The following MYO16 variants were observed in gnomAD, a reference collection of about 807,000 sequenced individuals.
MYO16 encodes the protein unconventional myosin-XVI.
A neutral mutation model predicts 205.3 loss-of-function variants in MYO16; 94 were observed. The ratio of observed to expected loss-of-function variants is 0.46; its 90% CI spans 0.39 to 0.54. The LOEUF is 0.54. MYO16 is among the 20% of genes least tolerant of loss of function. MYO16 has a pLI of 0.00. For synonymous variants in MYO16, 988 were observed against 954.0 expected (o/e 1.04, Z -0.66); for missense variants, 2,315 against 2,387.5 (o/e 0.97, Z 0.63).
intron 1 of MYO16, among the ~76,000 whole-genome samples, chr13:108,643,129 A>G (rs1880585414): frequency 6.6e-6 from 1 of 152,212 alleles, no homozygotes; most frequent in African/African-American, 2.4e-5. Context: ...CTCACTCCAA[A>G]GAGTTCCCTT....
At chr13:109,006,460 G>A (rs868817671) in intron 21 of MYO16, among the ~76,000 whole-genome samples, 2 of 152,022 alleles carry the variant, frequency 1.3e-5, no homozygotes, top group Non-Finnish European at 2.9e-5. Context: ...GACTGGTCTC[G>A]AACTCCTGAC....
chr13:108,604,680 T>A (rs1429304259), intron 1 of MYO16, among the ~76,000 whole-genome samples: 1 of 152,246 alleles, frequency 6.6e-6, no homozygotes, highest in African/African-American at 2.4e-5. Context: ...AATGTTAGTG[T>A]AATCCTTGAC....
intron 4 of MYO16, among the ~76,000 whole-genome samples, chr13:108,755,769 G>T (rs1007687834): frequency 2.6e-5 from 4 of 152,132 alleles, no homozygotes; most frequent in African/African-American, 9.7e-5. Flanking sequence ...TATGTGAAGT[G>T]GTTTGTGGCT....
At chr13:108,904,951 C>T (rs186853020) in intron 15 of MYO16, among the ~76,000 whole-genome samples, 78 of 152,276 alleles carry the variant, frequency 5.1e-4, no homozygotes, top group South Asian at 2.9e-3. Flanking sequence ...ACCAAACATA[C>T]GCAGATAAAG....
intron 4 of MYO16, among the ~76,000 whole-genome samples, chr13:108,733,154 G>A (rs1337965919): frequency 6.6e-6 from 1 of 152,114 alleles, no homozygotes; most frequent in African/African-American, 2.4e-5. Flanking sequence ...GTGTGTAGAG[G>A]GGGCATCGTC....
intron 11 of MYO16, among the ~76,000 whole-genome samples, chr13:108,862,828 A>G (rs1335690217): frequency 6.6e-6 from 1 of 152,216 alleles, no homozygotes; most frequent in Non-Finnish European, 1.5e-5. Context: ...TTCATTTCAC[A>G]AAATGTTATA....
chr13:109,158,296 C>T (rs912642141), intron 32 of MYO16, among the ~76,000 whole-genome samples: 4 of 152,190 alleles, frequency 2.6e-5, no homozygotes, highest in African/African-American at 9.6e-5. Flanking sequence ...AAGGACATTT[C>T]TCTCTCCCCA....
chr13:109,156,813 C>A (rs190034731), intron 32 of MYO16, among the ~76,000 whole-genome samples: 2 of 152,160 alleles, frequency 1.3e-5, no homozygotes, highest in Non-Finnish European at 2.9e-5. Flanking sequence ...CCCTCCTGCA[C>A]GGCAGTCACC....
intron 13 of MYO16, among the ~76,000 whole-genome samples, chr13:108,887,360 C>A (rs978176339): frequency 1.3e-5 from 2 of 152,120 alleles, no homozygotes; most frequent in Non-Finnish European, 2.9e-5. Flanking sequence ...ATAGATGTTT[C>A]CAGGCAGAAA....
chr13:109,044,821 C>G (rs1463196046), intron 23 of MYO16, among the ~76,000 whole-genome samples: 1 of 152,108 alleles, frequency 6.6e-6, no homozygotes, highest in East Asian at 1.9e-4. Context: ...TCCCAAGTAC[C>G]TGGGATTACA....
chr13:108,573,367 A>T, the MYO16 span, among the ~76,000 whole-genome samples: 1 of 152,210 alleles, frequency 6.6e-6, no homozygotes, highest in Non-Finnish European at 1.5e-5. Flanking sequence ...TCATTTTTTA[A>T]AAAATAAAAT....
chr13:109,206,296 G>A (rs1421798070), intron 34 of MYO16, among the ~76,000 whole-genome samples: 1 of 152,198 alleles, frequency 6.6e-6, no homozygotes, highest in African/African-American at 2.4e-5. Flanking sequence ...GATGCCATAA[G>A]AATGTACACA....
intron 18 of MYO16, 71 bp downstream of exon 18, chr13:108,961,727 G>A (rs1265661145): frequency 2.5e-5 from 31 of 1,233,960 alleles, no homozygotes; most frequent in South Asian, 4.8e-5. Flanking sequence ...AGTAGATGGC[G>A]ACATAGTACA....
the MYO16 span, among the ~76,000 whole-genome samples, chr13:108,495,818 G>A: frequency 4.4e-3 from 674 of 151,716 alleles, 11 homozygotes; most frequent in African/African-American, 0.016. Flanking sequence ...GGGCACAGGG[G>A]CAACTGCCGA....
At chr13:108,784,711 A>G (rs1886405874) in intron 4 of MYO16, among the ~76,000 whole-genome samples, 1 of 152,214 alleles carries the variant, frequency 6.6e-6, no homozygotes, top group Admixed American at 6.5e-5. Flanking sequence ...ACAGAATACT[A>G]TTTTGTAAAA....
intron 2 of MYO16, among the ~76,000 whole-genome samples, chr13:108,667,998 C>T (rs1473750835): frequency 6.6e-6 from 1 of 152,088 alleles, no homozygotes; most frequent in Non-Finnish European, 1.5e-5. Flanking sequence ...ATGATGGTGA[C>T]CTGCACTCCA....
At chr13:108,529,936 G>T in the MYO16 span, among the ~76,000 whole-genome samples, 2 of 152,166 alleles carry the variant, frequency 1.3e-5, no homozygotes, top group Non-Finnish European at 2.9e-5. Flanking sequence ...TTTGATTGAA[G>T]AATATTTATT....
intron 4 of MYO16, among the ~76,000 whole-genome samples, chr13:108,752,587 G>A (rs1885270685): frequency 6.6e-6 from 1 of 151,824 alleles, no homozygotes; most frequent in African/African-American, 2.4e-5. Context: ...ACTTTTATGA[G>A]ACTGGAGATT....
Position 108,666,076 on chromosome 13 carries a change from G to A in MYO16, c.219G>A (p.Ala73=), listed in dbSNP as rs749546658. 8 of 1,614,074 alleles carry A rather than the reference G, an allele frequency of 5.0e-6. No individual in the cohort carries two copies. The highest frequency in any genetic ancestry group is 2.2e-5 in the South Asian group (2 of 91,076). Residue 73 remains alanine, a synonymous_variant, in exon 2 of 35, where the codon GCG becomes GCA. Transcript: ENST00000457511. ...GGTTCCTGAAAAGGCTGAAGCATGC[G>A]AAGAATCCGAAAGTTCACTTCAACC... The part of the protein sequence containing the change: ...QEGFLKRLKH[A]KNPKVHFNLT...
Sources: gnomAD v4.1 joint callset for allele counts (sites outside exome capture counted in the v4.1 genomes callset) on GRCh38, gnomAD v4.1.1 for gene constraint, MANE v1.5 for transcripts, NCBI Gene and HGNC (gene_info 2026-07-23, HGNC 2026-07-21) for gene names.